Variants in DLC1 observed in about 807,000 individuals in gnomAD.
The protein encoded by DLC1 is rho GTPase-activating protein 7.
A neutral mutation model predicts 140.3 loss-of-function variants in DLC1; 54 were observed. The ratio of observed to expected loss-of-function variants is 0.38; its 90% confidence interval spans 0.31 to 0.48. DLC1 has a LOEUF of 0.48. Among genes scored for constraint, DLC1 ranks in the 20% least tolerant of loss-of-function variants. The pLI is 0.96. For missense variants in DLC1, 2,536 were observed against 1,907.0 expected, an observed-to-expected ratio of 1.33 and a Z score of -6.14; for synonymous variants, 986 against 728.1, an observed-to-expected ratio of 1.35 and a Z score of -5.70.
chr8:13,563,946 G>A (rs1001039240), intron 1 of DLC1, among the ~76,000 whole-genome samples: 1 of 152,000 alleles, frequency 6.6e-6, no homozygotes, highest in Non-Finnish European at 1.5e-5. Context: ...GTATAATCTA[G>A]ATTTTAATTA....
chr8:13,186,048 C>G (rs13270323), intron 5 of DLC1, among the ~76,000 whole-genome samples: 91,264 of 151,990 alleles, frequency 0.6, 27,910 homozygotes, highest in East Asian at 0.86. Context: ...CCTTTGTGGG[C>G]AACCCGACCT....
chr8:13,282,029 G>A (rs1198756012), intron 5 of DLC1, among the ~76,000 whole-genome samples: 1 of 152,166 alleles, frequency 6.6e-6, no homozygotes, highest in Non-Finnish European at 1.5e-5. Flanking sequence ...AGATTCGAGG[G>A]TGGGAGAAGT....
rs371470170 is a variant in DLC1, at chr8:13,100,622, G to A, written c.1715C>T (p.Pro572Leu). 8 of 1,613,966 alleles carry A rather than the reference G, an allele frequency of 5.0e-6. No homozygotes were observed. In the African/African-American group the frequency reaches 6.7e-5, roughly 13 times the overall value. Reference sequence around the variant, plus strand: ...GCCTCCGGGGCTGGGGCCGTCCTTCGGGTGGGAGTCGTCTGGGGACCCAGG... The same window carrying A: ...GCCTCCGGGGCTGGGGCCGTCCTTCAGGTGGGAGTCGTCTGGGGACCCAGG... ...LVPGSPDDSH[P>L]KDGPSPGGTL... The change falls in exon 9 of 18, where the codon CCG (proline) becomes CTG (leucine). Residue 572 changes from proline (P) to leucine (L), a missense_variant. Physicochemically the swap from Pro to Leu is moderately conservative, Grantham distance 98. Transcript: ENST00000276297.
At chr8:13,353,771 T>A (rs1245326422) in intron 4 of DLC1, among the ~76,000 whole-genome samples, 1 of 151,780 alleles carries the variant, frequency 6.6e-6, no homozygotes. Context: ...GCAGGAGAAT[T>A]GCTTGAACCC....
chr8:13,453,365 C>G (rs1282976553), intron 2 of DLC1, among the ~76,000 whole-genome samples: 11 of 105,746 alleles, frequency 1.0e-4, no homozygotes, highest in African/African-American at 3.9e-4. Context: ...TAGATGTTTA[C>G]TAAAAGAATA....
intron 4 of DLC1, among the ~76,000 whole-genome samples, chr8:13,349,684 G>C (rs75610388): frequency 1.3e-3 from 192 of 152,294 alleles, no homozygotes; most frequent in African/African-American, 4.0e-3. Flanking sequence ...AACACGAAAG[G>C]ATTTGTTGCT....
At chr8:13,591,199 A>G (rs1010088000) in intron 1 of DLC1, among the ~76,000 whole-genome samples, 1 of 152,144 alleles carries the variant, frequency 6.6e-6, no homozygotes, top group African/African-American at 2.4e-5. Flanking sequence ...ACTTTGAAAA[A>G]TGATTATCAC....
chr8:13,280,439 C>T (rs77948430), intron 5 of DLC1, among the ~76,000 whole-genome samples: 8,630 of 152,078 alleles, frequency 0.057, 288 homozygotes, highest in South Asian at 0.13. Flanking sequence ...CTTCCAGATC[C>T]CTGGAGAACA....
intron 5 of DLC1, among the ~76,000 whole-genome samples, chr8:13,203,874 C>G (rs1038632874): frequency 6.6e-6 from 1 of 152,132 alleles, no homozygotes; most frequent in East Asian, 1.9e-4. Context: ...TAGATCTATT[C>G]TCTTCCTTGG....
chr8:13,475,882 G>A (rs1800413841), intron 2 of DLC1, among the ~76,000 whole-genome samples: 1 of 152,178 alleles, frequency 6.6e-6, no homozygotes, highest in Non-Finnish European at 1.5e-5. Context: ...AGACGAGAAT[G>A]AACCTAAACT....
chr8:13,090,678 T>C (rs1817982150), intron 14 of DLC1, among the ~76,000 whole-genome samples: 1 of 152,262 alleles, frequency 6.6e-6, no homozygotes, highest in South Asian at 2.1e-4. Context: ...TGAAATCTTA[T>C]TTCCATGTAA....
At chr8:13,175,235 G>T (rs1426823832) in intron 5 of DLC1, among the ~76,000 whole-genome samples, 2 of 150,244 alleles carry the variant, frequency 1.3e-5, no homozygotes, top group Admixed American at 1.3e-4. Flanking sequence ...TTTTGCACCA[G>T]TACCATGTGG....
At chr8:13,593,778 A>T (rs1181076362) in intron 1 of DLC1, among the ~76,000 whole-genome samples, 1 of 152,128 alleles carries the variant, frequency 6.6e-6, no homozygotes, top group African/African-American at 2.4e-5. Context: ...AAACAATGAA[A>T]ATTAATCAGG....
At chr8:13,339,939 A>C (rs1833965074) in intron 4 of DLC1, 1 of 152,204 alleles carries the variant, frequency 6.6e-6, no homozygotes, top group Non-Finnish European at 1.5e-5. Flanking sequence ...TAAAACATAA[A>C]ATTCCTGCCA....
At chr8:13,312,386 A>AAAAAAAAATAATAATAAT (rs71207139) in intron 4 of DLC1, among the ~76,000 whole-genome samples, 4 of 81,680 alleles carry the variant, frequency 4.9e-5, no homozygotes, top group Admixed American at 1.5e-4. Flanking sequence ...AAAAAAAAAA[A>AAAAAAAAATAATAATAAT]AATAATTTCT....
At chr8:13,361,254 C>G (rs942386885) in intron 4 of DLC1, among the ~76,000 whole-genome samples, 1 of 151,802 alleles carries the variant, frequency 6.6e-6, no homozygotes, top group Non-Finnish European at 1.5e-5. Flanking sequence ...CAAAACAAAA[C>G]GAGAGAGAGA....
chr8:13,546,979 CTT>C (rs1333282263), intron 1 of DLC1, among the ~76,000 whole-genome samples: 1 of 152,014 alleles, frequency 6.6e-6, no homozygotes, highest in Non-Finnish European at 1.5e-5. Context: ...AAAACATAGA[CTT>C]AGTTTAATTA....
chr8:13,298,572 C>G (rs1183228553), intron 5 of DLC1, among the ~76,000 whole-genome samples: 1 of 152,128 alleles, frequency 6.6e-6, no homozygotes, highest in Non-Finnish European at 1.5e-5. Flanking sequence ...AGTTCATGAT[C>G]TAGAGAAGAC....
At chr8:13,277,650 A>C (rs1234555825) in intron 5 of DLC1, among the ~76,000 whole-genome samples, 1 of 152,164 alleles carries the variant, frequency 6.6e-6, no homozygotes, top group African/African-American at 2.4e-5. Context: ...TACGCCAATA[A>C]ATTTGGCAGA....
Sources: allele counts gnomAD v4.1 joint callset (sites outside exome capture counted in the v4.1 genomes callset), GRCh38; gene constraint gnomAD v4.1.1; transcripts MANE v1.5; gene names NCBI Gene and HGNC (gene_info 2026-07-23, HGNC 2026-07-21).